The following FERMT2 variants were observed in gnomAD, a reference collection of about 807,000 sequenced individuals.
FERMT2 encodes FERM domain containing kindlin 2, also known as fermitin family homolog 2.
FERMT2 carries 15 observed loss-of-function variants against 82.7 expected under a neutral mutation model. The observed-to-expected ratio is 0.18, with a 90% CI of 0.12 to 0.28. The LOEUF (loss-of-function observed/expected upper bound fraction) is 0.28. Among genes scored for constraint, FERMT2 ranks in the 10% least tolerant of loss-of-function variants. The pLI is 1.00. For synonymous variants in FERMT2, 274 were observed against 271.5 expected (o/e 1.01, Z -0.09); for missense variants, 645 against 809.4 (o/e 0.80, Z 2.46).
intron 3 of FERMT2, among the ~76,000 whole-genome samples, chr14:52,904,300 T>A (rs11629233): frequency 0.53 from 80,351 of 152,038 alleles, 22,466 homozygotes; most frequent in East Asian, 0.75. Flanking sequence ...GCGGATCACC[T>A]GAGGTCAGGA....
At position 52,872,819 on chromosome 14, in the gene FERMT2, G is replaced by A; in HGVS notation, c.1253C>T (p.Ala418Val). 1 of 1,613,900 alleles carries A rather than the reference G, an allele frequency of 6.2e-7. No individual in the cohort carries two copies. Among genetic ancestry groups the A allele is most frequent in the East Asian group, 2.2e-5 (1 of 44,872 alleles). ...KSKEESSGTP[A>V]HQMNLRGCEV... is the part of the protein sequence containing the mutation. ...CTTACCCCTGAGGTTCATCTGATGAGCTGGTGTGCCACTGGATTCTTCTTT... is the reference window on the plus strand; with the variant it reads ...CTTACCCCTGAGGTTCATCTGATGAACTGGTGTGCCACTGGATTCTTCTTT... The change falls in exon 10 of 15, where the codon GCT becomes GTT. Residue 418 changes from alanine to valine, a missense_variant. By Grantham distance (64) the Ala-to-Val change is moderately conservative (BLOSUM62 0). Coordinates refer to ENST00000341590, the MANE Select transcript of FERMT2 (RefSeq NM_006832.3).
chr14:52,877,979 ATAAT>A (rs1886072359), intron 7 of FERMT2, among the ~76,000 whole-genome samples: 1 of 152,178 alleles, frequency 6.6e-6, no homozygotes. Flanking sequence ...CATGAAGTGG[ATAAT>A]TAATTTTTAA....
At chr14:52,949,211 G>GGTT (rs1890498885) in intron 2 of FERMT2, among the ~76,000 whole-genome samples, 1 of 151,872 alleles carries the variant, frequency 6.6e-6, no homozygotes. Context: ...CTTCCTGCAG[G>GGTT]GGTACAAAGC....
intron 3 of FERMT2, among the ~76,000 whole-genome samples, chr14:52,902,766 G>A (rs1429437463): frequency 6.7e-6 from 1 of 149,714 alleles, no homozygotes; most frequent in African/African-American, 2.5e-5. Flanking sequence ...CTACTTGGGA[G>A]GCTGAGGCAG....
chr14:52,934,423 A>T (rs1889742177), intron 2 of FERMT2, among the ~76,000 whole-genome samples: 1 of 152,252 alleles, frequency 6.6e-6, no homozygotes, highest in Non-Finnish European at 1.5e-5. Flanking sequence ...TCTTCTAATC[A>T]TATAATTTAT....
At chr14:52,858,874 C>T in intron 14 of FERMT2, 1 of 211,098 alleles carries the variant, frequency 4.7e-6, no homozygotes, top group Non-Finnish European at 9.4e-6. Flanking sequence ...TGCAGGAAAG[C>T]CTACTTCCTG....
chr14:52,924,147 T>C (rs1383765709), intron 2 of FERMT2, among the ~76,000 whole-genome samples: 4 of 152,134 alleles, frequency 2.6e-5, no homozygotes, highest in Admixed American at 1.3e-4. Context: ...GCTAGAGATA[T>C]GATGATGAAC....
chr14:52,893,186 T>G, intron 4 of FERMT2, 107 bp downstream of exon 4: 6 of 1,072,814 alleles, frequency 5.6e-6, no homozygotes, highest in Non-Finnish European at 6.4e-6. Flanking sequence ...TTTTTTTAAC[T>G]TGACCACTCT....
chr14:52,950,430 T>G lies in FERMT2; in HGVS notation c.139A>C (p.Lys47Gln), dbSNP rs751207572. The G allele has an allele frequency of 1.2e-6, 2 of 1,613,924 alleles. No individual in the cohort carries two copies. The highest frequency in any genetic ancestry group is 1.7e-5 in the Admixed American group (1 of 60,010). ...GEVHIGGVML[K>Q]LVEKLDVKKD... ...TACTCACCGAGTTTCTCCACCAGCT[T>G]AAGCATCACGCCTCCAATGTGCACC... The change falls in exon 2 of 15, where the codon AAG becomes CAG. Residue 47 changes from lysine (K) to glutamine (Q), a missense_variant. Coordinates refer to ENST00000341590, the MANE Select transcript of FERMT2 (RefSeq NM_006832.3).
chr14:52,925,474 G>A (rs970970943), intron 2 of FERMT2, among the ~76,000 whole-genome samples: 5 of 150,648 alleles, frequency 3.3e-5, no homozygotes, highest in Non-Finnish European at 7.4e-5. Context: ...CAGGAGAATG[G>A]CTTGCACCCA....
intron 3 of FERMT2, among the ~76,000 whole-genome samples, chr14:52,912,890 A>T (rs1566746371): frequency 6.6e-6 from 1 of 152,154 alleles, no homozygotes; most frequent in East Asian, 1.9e-4. Context: ...TTTTCCTCTT[A>T]TTCATTCAAT....
At chr14:52,914,825 CAGA>C (rs1221735598) in intron 3 of FERMT2, among the ~76,000 whole-genome samples, 1 of 152,098 alleles carries the variant, frequency 6.6e-6, no homozygotes, top group Non-Finnish European at 1.5e-5. Flanking sequence ...GAGGCTGAGG[CAGA>C]AGAAGTACTT....
chr14:52,897,742 TGA>T (rs1336212267), intron 3 of FERMT2, among the ~76,000 whole-genome samples: 2 of 152,098 alleles, frequency 1.3e-5, no homozygotes, highest in Non-Finnish European at 2.9e-5. Flanking sequence ...TTTGGGAGGC[TGA>T]GACGGGTGGA....
intron 6 of FERMT2, 59 bp downstream of exon 6, chr14:52,880,977 C>T: frequency 3.8e-6 from 4 of 1,049,696 alleles, no homozygotes; most frequent in Non-Finnish European, 5.7e-6. Flanking sequence ...AAACAAACAT[C>T]CATGTGAACA....
chr14:52,870,053 G>A (rs1368539296), intron 10 of FERMT2, among the ~76,000 whole-genome samples: 1 of 152,150 alleles, frequency 6.6e-6, no homozygotes, highest in East Asian at 1.9e-4. Flanking sequence ...CGTGTCATTA[G>A]AAAAGGGTCA....
At chr14:52,858,676 T>C (rs1353545049) in intron 14 of FERMT2, 126 bp from the exon 15 acceptor site, 2 of 825,134 alleles carry the variant, frequency 2.4e-6, no homozygotes, top group African/African-American at 1.7e-5. Context: ...ATGATCAGTC[T>C]GTCTAAAACC....
At chr14:52,906,960 G>GA (rs1296336532) in intron 3 of FERMT2, among the ~76,000 whole-genome samples, 5 of 57,720 alleles carry the variant, frequency 8.7e-5, no homozygotes, top group Non-Finnish European at 1.7e-4. Flanking sequence ...GGGGGGGGGG[G>GA]AATTTAGAAT....
chr14:52,936,720 ACT>A (rs1245202964), intron 2 of FERMT2, among the ~76,000 whole-genome samples: 1 of 151,842 alleles, frequency 6.6e-6, no homozygotes, highest in African/African-American at 2.4e-5. Context: ...GCTAATTCCT[ACT>A]CTCAGATCTC....
intron 14 of FERMT2, 190 bp from the exon 15 acceptor site, chr14:52,858,740 C>G (rs937531501): frequency 3.8e-6 from 2 of 519,858 alleles, no homozygotes; most frequent in African/African-American, 3.8e-5. Context: ...ATTGCCCTTC[C>G]CCTACACTTT....
Sources: gnomAD v4.1 joint callset for allele counts (sites outside exome capture counted in the v4.1 genomes callset) on GRCh38, gnomAD v4.1.1 for gene constraint, MANE v1.5 for transcripts, NCBI Gene and HGNC (gene_info 2026-07-23, HGNC 2026-07-21) for gene names.